The following SH3RF1 variants were observed in gnomAD, a reference collection of about 807,000 sequenced individuals.
SH3RF1 encodes E3 ubiquitin-protein ligase SH3RF1.
In SH3RF1, 32 loss-of-function variants were observed where a neutral mutation model predicts 74.0. That is an observed-to-expected ratio of 0.43 (90% CI 0.33 to 0.58). The LOEUF (loss-of-function observed/expected upper bound fraction) is 0.58, where lower values mean the gene tolerates loss of function less well. SH3RF1 is among the 20% of genes least tolerant of loss of function. The pLI is 0.05. For missense variants in SH3RF1, 954 were observed against 1,130.9 expected (o/e 0.84, Z 2.24); for synonymous variants, 396 against 439.6 (o/e 0.90, Z 1.24).
At position 169,231,514 on chromosome 4, in the gene SH3RF1, C is replaced by T. The variant is rs537564193; in HGVS notation, c.393+37306G>A. ...CCAGGAGGCAGAGGTTGCAGTGAGC[C>T]GAGATTGCACCACTGCTCTCCTGTC... On this transcript the variant is annotated intron_variant, in intron 2 of 11. Transcript: ENST00000284637. 5.3e-4 allele frequency among the ~76,000 whole-genome samples: 81 copies of T among 152,024 alleles called. 2 individuals carry two copies. In the South Asian group the frequency reaches 0.013, roughly 24 times the overall value.
At chr4:169,120,389 A>G (rs749837495) in intron 8 of SH3RF1, among the ~76,000 whole-genome samples, 1 of 152,246 alleles carries the variant, frequency 6.6e-6, no homozygotes, top group Non-Finnish European at 1.5e-5. Flanking sequence ...CTGTGCCTCA[A>G]TGTAACAGCA....
At chr4:169,269,582 T>C in intron 1 of SH3RF1, 1 of 178,118 alleles carries the variant, frequency 5.6e-6, no homozygotes, top group Non-Finnish European at 1.2e-5. Context: ...CGCAGAAGGA[T>C]TTATGAAGTG....
chr4:169,256,059 T>C (rs1731188663), intron 2 of SH3RF1, among the ~76,000 whole-genome samples: 1 of 152,210 alleles, frequency 6.6e-6, no homozygotes, highest in African/African-American at 2.4e-5. Flanking sequence ...TGAGCCACCA[T>C]GCCTGGGCTC....
chr4:169,198,762 G>GA (rs1734862710), intron 2 of SH3RF1, among the ~76,000 whole-genome samples: 1 of 152,014 alleles, frequency 6.6e-6, no homozygotes, highest in South Asian at 2.1e-4. Flanking sequence ...CTTTACAAGA[G>GA]AAAAAAGAGA....
At chr4:169,252,037 G>A (rs907730993) in intron 2 of SH3RF1, among the ~76,000 whole-genome samples, 1 of 152,192 alleles carries the variant, frequency 6.6e-6, no homozygotes, top group Non-Finnish European at 1.5e-5. Context: ...ACAAGAGCGA[G>A]GACTCTGGTA....
rs1183398308 is a variant in SH3RF1 at position 169,100,981 on chromosome 4, T to C, written c.2499-4294A>G. On this transcript the variant is annotated intron_variant, in intron 11 of 11. Transcript: ENST00000284637. Reference sequence around the variant, plus strand: ...TCAAAGCCTGGCTCCAGTTCTCCCCTGTGAAATCTCCAGCCCCATGGCTGG... The same window carrying C: ...TCAAAGCCTGGCTCCAGTTCTCCCCCGTGAAATCTCCAGCCCCATGGCTGG... 3.3e-5 allele frequency among the ~76,000 whole-genome samples: 5 copies of C among 152,204 alleles called. No individual in the cohort carries two copies. The East Asian group carries it at 9.6e-4, about 29-fold the overall frequency.
intron 2 of SH3RF1, among the ~76,000 whole-genome samples, chr4:169,189,717 C>T (rs1261609111): frequency 6.6e-6 from 1 of 152,166 alleles, no homozygotes; most frequent in African/African-American, 2.4e-5. Flanking sequence ...TGGTTAGCTG[C>T]GTGCTCTTGG....
At position 169,136,363 on chromosome 4, in the gene SH3RF1, TGCA is replaced by T. The variant is rs1406695738; in HGVS notation, c.1020_1022del (p.Ala341del). ...AGAGCCCAGACAGCTCGCTGATCCG[TGCA>T]GCAGCAGTGGGGTTGCTGGAGCTGA... is the stretch of plus-strand genomic sequence containing the variant. On this transcript the variant is annotated inframe_deletion, in exon 5 of 12. Transcript: ENST00000284637. The T allele has an allele frequency of 6.4e-7, 1 of 1,570,192 alleles. No homozygotes were observed. Among genetic ancestry groups the T allele is most frequent in the Non-Finnish European group, 8.6e-7 (1 of 1,161,014 alleles).
chr4:169,201,908 G>A (rs1309043786), intron 2 of SH3RF1: 9 of 152,194 alleles, frequency 5.9e-5, no homozygotes, highest in Admixed American at 3.3e-4. Context: ...GGTCCAAACT[G>A]CAAGGACCTG....
intron 2 of SH3RF1, among the ~76,000 whole-genome samples, chr4:169,255,135 G>A (rs1731165108): frequency 6.6e-6 from 1 of 152,088 alleles, no homozygotes; most frequent in Non-Finnish European, 1.5e-5. Flanking sequence ...CTTTAGAAGA[G>A]ACTTTCTAAA....
intron 2 of SH3RF1, among the ~76,000 whole-genome samples, chr4:169,191,578 T>TG (rs1279031403): frequency 6.6e-6 from 1 of 151,878 alleles, no homozygotes; most frequent in Non-Finnish European, 1.5e-5. Flanking sequence ...AAAGAACCAA[T>TG]AAAGCCAAAG....
At chr4:169,160,946 C>G (rs906903818) in intron 2 of SH3RF1, among the ~76,000 whole-genome samples, 1 of 152,236 alleles carries the variant, frequency 6.6e-6, no homozygotes, top group African/African-American at 2.4e-5. Context: ...GCACTGCCCT[C>G]TCATTCATCT....
chr4:169,207,923 G>A (rs1358845456), intron 2 of SH3RF1, among the ~76,000 whole-genome samples: 1 of 152,040 alleles, frequency 6.6e-6, no homozygotes, highest in African/African-American at 2.4e-5. Flanking sequence ...GACACCATGG[G>A]GGGTGTCAGT....
intron 2 of SH3RF1, among the ~76,000 whole-genome samples, chr4:169,173,823 G>A (rs1054941461): frequency 1.3e-5 from 2 of 151,950 alleles, no homozygotes; most frequent in African/African-American, 4.8e-5. Flanking sequence ...CCTTGGTTAT[G>A]AAAACTTCAT....
chr4:169,142,116 C>T (rs1369557952), intron 4 of SH3RF1, among the ~76,000 whole-genome samples: 1 of 152,024 alleles, frequency 6.6e-6, no homozygotes, highest in Non-Finnish European at 1.5e-5. Flanking sequence ...CTGCACCTGG[C>T]CTTAATTTGC....
chr4:169,122,138 G>A lies in SH3RF1; in HGVS notation c.1308C>T (p.Asp436=), dbSNP rs147478073. The change falls in exon 7 of 12, where the codon GAC becomes GAT. Residue 436 remains aspartate (D), a synonymous_variant. Transcript: ENST00000284637. ...TCTGCGGCCGTAAATGTGCAATCTG[G>A]TCAGTGGATCCTGCCATGGGCCTCG... ...MGPRPMAGST[D]QIAHLRPQTR... The A allele has an allele frequency of 1.0e-4, 167 of 1,612,954 alleles. No individual in the cohort carries two copies. The highest frequency in any genetic ancestry group is 1.4e-4 in the Non-Finnish European group (162 of 1,180,024).
At chr4:169,105,887 A>G (rs1733125071) in intron 11 of SH3RF1, among the ~76,000 whole-genome samples, 1 of 152,138 alleles carries the variant, frequency 6.6e-6, no homozygotes, top group Non-Finnish European at 1.5e-5. Context: ...CCCTGTCTCA[A>G]AAAAAGAAGA....
At chr4:169,264,733 A>G (rs1306573910) in intron 2 of SH3RF1, among the ~76,000 whole-genome samples, 1 of 151,916 alleles carries the variant, frequency 6.6e-6, no homozygotes, top group Non-Finnish European at 1.5e-5. Flanking sequence ...TATCTATCCT[A>G]CCCATCTGAC....
intron 2 of SH3RF1, among the ~76,000 whole-genome samples, chr4:169,201,065 T>C (rs1305003523): frequency 6.6e-6 from 1 of 152,128 alleles, no homozygotes; most frequent in Non-Finnish European, 1.5e-5. Flanking sequence ...AATAATACAG[T>C]ATTGTCACCA....
Sources: allele counts gnomAD v4.1 joint callset (sites outside exome capture counted in the v4.1 genomes callset), GRCh38; gene constraint gnomAD v4.1.1; transcripts MANE v1.5; gene names NCBI Gene and HGNC (gene_info 2026-07-23, HGNC 2026-07-21).